The following CNTN6 variants were observed in gnomAD, a reference collection of about 807,000 sequenced individuals.
CNTN6 encodes contactin-6.
CNTN6 carries 137 observed loss-of-function variants against 122.8 expected under a neutral mutation model. The observed-to-expected ratio is 1.12, with a 90% CI of 0.97 to 1.29. The LOEUF (loss-of-function observed/expected upper bound fraction) is 1.29. Ranked by LOEUF, CNTN6 falls within the 50% of genes most tolerant of loss-of-function variation. The pLI, the probability that CNTN6 is intolerant of heterozygous loss-of-function variation, is 0.00. For missense variants in CNTN6, 1,634 were observed against 1,223.4 expected (o/e 1.34, Z -5.01); for synonymous variants, 570 against 426.0 (o/e 1.34, Z -4.16).
At chr3:1,158,119 T>C (rs951405019) in intron 2 of CNTN6, among the ~76,000 whole-genome samples, 2 of 152,192 alleles carry the variant, frequency 1.3e-5, no homozygotes, top group African/African-American at 2.4e-5. Context: ...CTGTTGTTGA[T>C]AGTGGTTGTA....
intron 12 of CNTN6, among the ~76,000 whole-genome samples, chr3:1,365,167 C>G (rs1452268650): frequency 6.6e-6 from 1 of 151,958 alleles, no homozygotes; most frequent in African/African-American, 2.4e-5. Flanking sequence ...CACTCAGAGT[C>G]AATAGAAGGC....
intron 13 of CNTN6, among the ~76,000 whole-genome samples, 160 bp downstream of exon 13, chr3:1,372,634 T>C (rs1338927590): frequency 1.3e-5 from 2 of 152,178 alleles, no homozygotes; most frequent in African/African-American, 4.8e-5. Context: ...TTGTTTCGTG[T>C]CTTCCGTAGA....
intron 4 of CNTN6, among the ~76,000 whole-genome samples, chr3:1,259,693 T>C (rs1480653413): frequency 2.6e-5 from 4 of 152,130 alleles, no homozygotes; most frequent in Non-Finnish European, 5.9e-5. Context: ...CTTTGCATGT[T>C]ACATTCTGAG....
rs185001802 is a variant in CNTN6, at chr3:1,136,001, G to T, written c.-82-11926G>T. On this transcript the variant is annotated intron_variant, in intron 1 of 22. Transcript: ENST00000446702. ...AACCAAACTCTGTCTCAAAATAGAAGAAGTTATGCCATCGTGTGTGGTTAG... is the reference window on the plus strand; with the variant it reads ...AACCAAACTCTGTCTCAAAATAGAATAAGTTATGCCATCGTGTGTGGTTAG... 8.8e-4 allele frequency among the ~76,000 whole-genome samples: 134 copies of T among 152,230 alleles called. 2 individuals carry two copies. Among genetic ancestry groups the T allele is most frequent in the African/African-American group, 2.9e-3 (121 of 41,554 alleles).
At chr3:1,311,187 A>G (rs1377553825) in intron 7 of CNTN6, among the ~76,000 whole-genome samples, 2 of 149,482 alleles carry the variant, frequency 1.3e-5, no homozygotes, top group African/African-American at 4.9e-5. Flanking sequence ...ATGTCTTTAT[A>G]TATATAGGTG....
intron 12 of CNTN6, among the ~76,000 whole-genome samples, chr3:1,360,657 G>A (rs543216778): frequency 6.7e-6 from 1 of 150,262 alleles, no homozygotes; most frequent in Admixed American, 6.6e-5. Flanking sequence ...CCTACCCTTT[G>A]TATCTCATCC....
At chr3:1,290,945 T>A (rs1695218261) in intron 5 of CNTN6, among the ~76,000 whole-genome samples, 1 of 152,168 alleles carries the variant, frequency 6.6e-6, no homozygotes, top group Non-Finnish European at 1.5e-5. Flanking sequence ...ACCTCCTATC[T>A]CATCCTGTGA....
At chr3:1,361,666 A>T (rs1191305948) in intron 12 of CNTN6, among the ~76,000 whole-genome samples, 2 of 152,184 alleles carry the variant, frequency 1.3e-5, no homozygotes, top group South Asian at 2.1e-4. Flanking sequence ...ATTAATAATA[A>T]AGGAGAATAA....
intron 2 of CNTN6, among the ~76,000 whole-genome samples, chr3:1,166,835 G>A (rs1337884086): frequency 6.6e-6 from 1 of 152,126 alleles, no homozygotes; most frequent in Non-Finnish European, 1.5e-5. Context: ...GTTGAGCTAT[G>A]AGAACACATG....
intron 4 of CNTN6, among the ~76,000 whole-genome samples, chr3:1,257,219 T>G (rs1276085566): frequency 6.6e-6 from 1 of 152,162 alleles, no homozygotes; most frequent in African/African-American, 2.4e-5. Context: ...GTTGAAGGAT[T>G]CAAATTCATT....
At chr3:1,337,625 CCATA>C (rs1297832316) in intron 11 of CNTN6, among the ~76,000 whole-genome samples, 1 of 152,082 alleles carries the variant, frequency 6.6e-6, no homozygotes, top group Non-Finnish European at 1.5e-5. Context: ...GGCAAATGAA[CCATA>C]TGTTCCCCTG....
chr3:1,354,239 G>T (rs1277856809), intron 12 of CNTN6, among the ~76,000 whole-genome samples: 1 of 132,486 alleles, frequency 7.5e-6, no homozygotes, highest in African/African-American at 3.2e-5. Flanking sequence ...CTGCAAGTTA[G>T]GTTCCTAGTA....
chr3:1,370,226 CT>C (rs759539107), intron 12 of CNTN6, among the ~76,000 whole-genome samples: 16 of 150,638 alleles, frequency 1.1e-4, no homozygotes, highest in African/African-American at 2.9e-4. Context: ...CTTTTTCTTT[CT>C]TTTTTTTTAA....
intron 4 of CNTN6, among the ~76,000 whole-genome samples, chr3:1,273,489 T>C (rs966750020): frequency 6.6e-6 from 1 of 152,198 alleles, no homozygotes; most frequent in Admixed American, 6.5e-5. Flanking sequence ...CAGAAAATGA[T>C]CTGAATTAAA....
At chr3:1,343,800 T>A (rs1704241228) in intron 11 of CNTN6, among the ~76,000 whole-genome samples, 1 of 152,114 alleles carries the variant, frequency 6.6e-6, no homozygotes, top group South Asian at 2.1e-4. Context: ...TATATAAAGT[T>A]GGCATAGAAA....
chr3:1,194,496 T>G (rs1457363261), intron 2 of CNTN6, among the ~76,000 whole-genome samples: 1 of 152,146 alleles, frequency 6.6e-6, no homozygotes, highest in Non-Finnish European at 1.5e-5. Context: ...ATTAATATAT[T>G]AATATGCTAA....
chr3:1,326,844 A>G (rs1004005465), intron 9 of CNTN6, among the ~76,000 whole-genome samples: 4 of 151,860 alleles, frequency 2.6e-5, no homozygotes, highest in African/African-American at 9.7e-5. Context: ...GGATGGTAAT[A>G]CATGCCTTGA....
At chr3:1,243,817 T>C (rs1473732911) in intron 4 of CNTN6, among the ~76,000 whole-genome samples, 10 of 151,962 alleles carry the variant, frequency 6.6e-5, no homozygotes, top group Admixed American at 6.6e-4. Flanking sequence ...CTTAGCTGGG[T>C]CTGGCAATGA....
At chr3:1,323,575 C>G (rs1350566149) in intron 8 of CNTN6, among the ~76,000 whole-genome samples, 1 of 151,746 alleles carries the variant, frequency 6.6e-6, no homozygotes, top group East Asian at 1.9e-4. Flanking sequence ...AGAAAAGAAT[C>G]TCTCAGTCTG....
Sources: allele counts gnomAD v4.1 joint callset (sites outside exome capture counted in the v4.1 genomes callset), GRCh38; gene constraint gnomAD v4.1.1; transcripts MANE v1.5; gene names NCBI Gene and HGNC (gene_info 2026-07-23, HGNC 2026-07-21).